The following LRRC8D variants were observed in gnomAD, a reference collection of about 807,000 sequenced individuals.
LRRC8D encodes volume-regulated anion channel subunit LRRC8D.
Under a neutral mutation model 55.8 loss-of-function variants are expected in LRRC8D, and 20 were observed. That is an observed-to-expected ratio of 0.36 (90% CI 0.25 to 0.52). The LOEUF is 0.52. Among genes scored for constraint, LRRC8D ranks in the 20% least tolerant of loss-of-function variants. The pLI is 0.93. For missense variants in LRRC8D, 651 were observed against 1,030.8 expected, an observed-to-expected ratio of 0.63 and a Z score of 5.05; for synonymous variants, 352 against 377.0, an observed-to-expected ratio of 0.93 and a Z score of 0.77.
At chr1:89,925,919 C>T (rs528906877) in intron 2 of LRRC8D, among the ~76,000 whole-genome samples, 38 of 152,354 alleles carry the variant, frequency 2.5e-4, no homozygotes, top group African/African-American at 8.7e-4. Flanking sequence ...GCTTTGGTTT[C>T]CATACTTTGG....
Position 89,935,238 on chromosome 1 carries a change from G to T in LRRC8D, c.2170G>T (p.Ala724Ser), listed in dbSNP as rs1348020461. Residue 724 changes from alanine (A) to serine (S), a missense_variant, in exon 3 of 3, where the codon GCA (alanine) becomes TCA (serine). Ala to Ser is a moderately conservative substitution (Grantham distance 99). Coordinates refer to ENST00000337338, the MANE Select transcript of LRRC8D (RefSeq NM_001134479.2). ...SNNKLESLPV[A>S]VFSLQKLRCL... is the part of the protein sequence containing the mutation. The stretch of plus-strand genomic sequence containing the variant: ...CAACAAGCTCGAATCCTTACCAGTG[G>T]CAGTATTTAGTTTACAGAAACTCAG... 8.1e-6 allele frequency: 13 copies of T among 1,613,928 alleles called. No homozygotes were observed. The highest frequency in any genetic ancestry group is 4.0e-5 in the African/African-American group (3 of 74,924).
At chr1:89,843,918 G>A in intron 2 of LRRC8D, 136 bp downstream of exon 2, 1 of 502,680 alleles carries the variant, frequency 2.0e-6, no homozygotes, top group Non-Finnish European at 3.6e-6. Context: ...CTTCTCACCC[G>A]GGGTCTCTGC....
intron 2 of LRRC8D, among the ~76,000 whole-genome samples, chr1:89,894,447 C>T (rs1407850581): frequency 6.6e-6 from 1 of 152,144 alleles, no homozygotes; most frequent in Non-Finnish European, 1.5e-5. Flanking sequence ...AATGTGATTC[C>T]TGTTTATCTC....
intron 2 of LRRC8D, among the ~76,000 whole-genome samples, chr1:89,912,328 A>G (rs1378656885): frequency 6.6e-6 from 1 of 152,176 alleles, no homozygotes; most frequent in African/African-American, 2.4e-5. Context: ...CTTTGTAATT[A>G]GGATCTTACA....
At position 89,934,035 on chromosome 1, in the gene LRRC8D, C is replaced by G. The variant is rs1557491169; in HGVS notation, c.967C>G (p.Leu323Val). Residue 323 changes from leucine (L) to valine (V), a missense_variant, in exon 3 of 3, where the codon CTC becomes GTC. Physicochemically the swap from Leu to Val is conservative, Grantham distance 32 (BLOSUM62 1). Transcript: ENST00000337338. This position sits in a 1 kb window ranked among gnomAD's most constrained non-coding sequence, Gnocchi z 5.9. ...VIKTAKFIFI[L>V]CYTANFVNAI... ...CAAAACAGCCAAGTTCATTTTTATTCTCTGCTATACAGCGAACTTTGTCAA... is the reference window on the plus strand; with the variant it reads ...CAAAACAGCCAAGTTCATTTTTATTGTCTGCTATACAGCGAACTTTGTCAA... The G allele has an allele frequency of 6.2e-7, 1 of 1,614,198 alleles. No individual in the cohort carries two copies. The highest frequency in any genetic ancestry group is 8.5e-7 in the Non-Finnish European group (1 of 1,180,036).
chr1:89,854,722 A>C (rs933406652), intron 2 of LRRC8D, among the ~76,000 whole-genome samples: 4 of 152,232 alleles, frequency 2.6e-5, no homozygotes, highest in African/African-American at 9.6e-5. Flanking sequence ...CTAGACTCCC[A>C]TCACTTATCA....
chr1:89,930,791 GC>G (rs1442413005), intron 2 of LRRC8D, among the ~76,000 whole-genome samples: 2 of 150,966 alleles, frequency 1.3e-5, no homozygotes, highest in Non-Finnish European at 2.9e-5. Context: ...GAACTGAAGA[GC>G]TCAAAATGAC....
chr1:89,892,899 A>C (rs1037626647), intron 2 of LRRC8D, among the ~76,000 whole-genome samples: 73 of 152,366 alleles, frequency 4.8e-4, no homozygotes, highest in Non-Finnish European at 1.6e-4. Context: ...AGTAAAATTC[A>C]ATCAGACAAA....
chr1:89,827,407 A>G (rs1660790742), intron 1 of LRRC8D, among the ~76,000 whole-genome samples: 2 of 151,970 alleles, frequency 1.3e-5, no homozygotes, highest in Non-Finnish European at 2.9e-5. Context: ...TTGAGTTTTC[A>G]CTGTGTTTTT....
intron 2 of LRRC8D, among the ~76,000 whole-genome samples, chr1:89,907,186 T>TTC: frequency 7.7e-6 from 1 of 130,666 alleles, no homozygotes; most frequent in Non-Finnish European, 1.7e-5. Flanking sequence ...ACTGTGTCTT[T>TTC]TTTTTTTTTT....
intron 1 of LRRC8D, among the ~76,000 whole-genome samples, chr1:89,821,572 G>A (rs912935820): frequency 6.6e-6 from 1 of 152,190 alleles, no homozygotes; most frequent in African/African-American, 2.4e-5. Flanking sequence ...TGCGGGAGGG[G>A]AGTGCGGCTT....
intron 2 of LRRC8D, among the ~76,000 whole-genome samples, chr1:89,848,439 G>A (rs376409305): frequency 2.6e-5 from 4 of 152,262 alleles, no homozygotes; most frequent in East Asian, 1.9e-4. Context: ...AAAAACTGAT[G>A]TGTGGGTTCA....
At chr1:89,916,659 C>T (rs1380048534) in intron 2 of LRRC8D, among the ~76,000 whole-genome samples, 1 of 152,078 alleles carries the variant, frequency 6.6e-6, no homozygotes, top group East Asian at 1.9e-4. Context: ...TGTGTCTCCT[C>T]ATCTTTTGAT....
Position 89,836,922 on chromosome 1 carries a change from C to T in LRRC8D, c.-147-6716C>T, listed in dbSNP as rs192080852. On this transcript the variant is annotated intron_variant, in intron 1 of 2. Transcript: ENST00000337338. Reference sequence around the variant, plus strand: ...GTAATTTCCAAGTTACTTTTGAATACGGATTGAATTCCGTTCCTTGTGGCT... The same window carrying T: ...GTAATTTCCAAGTTACTTTTGAATATGGATTGAATTCCGTTCCTTGTGGCT... Among the ~76,000 whole-genome samples the T allele has an allele frequency of 1.1e-4, 17 of 152,318 alleles. No homozygotes were observed. The East Asian group carries it at 3.3e-3, about 29-fold the overall frequency.
chr1:89,927,256 C>T (rs989050167), intron 2 of LRRC8D, among the ~76,000 whole-genome samples: 2 of 152,268 alleles, frequency 1.3e-5, no homozygotes, highest in South Asian at 2.1e-4. Context: ...TGTCACAGCA[C>T]ATTCCTAGGA....
intron 2 of LRRC8D, among the ~76,000 whole-genome samples, chr1:89,861,957 G>A (rs902051352): frequency 3.3e-5 from 5 of 152,180 alleles, no homozygotes; most frequent in Non-Finnish European, 5.9e-5. Context: ...ACATAACTTT[G>A]GGGAATAGCT....
intron 2 of LRRC8D, among the ~76,000 whole-genome samples, chr1:89,869,239 T>C (rs1661934295): frequency 6.6e-6 from 1 of 152,130 alleles, no homozygotes; most frequent in South Asian, 2.1e-4. Context: ...GATTTTGTGA[T>C]TGCTACCTTG....
At chr1:89,863,784 T>G (rs2100802488) in intron 2 of LRRC8D, among the ~76,000 whole-genome samples, 1 of 152,330 alleles carries the variant, frequency 6.6e-6, no homozygotes, top group Non-Finnish European at 1.5e-5. Flanking sequence ...CCCTTTGAGA[T>G]TTTAAAATTG....
chr1:89,837,932 T>C (rs565492889), intron 1 of LRRC8D, among the ~76,000 whole-genome samples: 1 of 152,344 alleles, frequency 6.6e-6, no homozygotes, highest in South Asian at 2.1e-4. Context: ...AGATATGATG[T>C]GTGTGACTTA....
Sources: allele counts gnomAD v4.1 joint callset (sites outside exome capture counted in the v4.1 genomes callset), GRCh38; gene constraint gnomAD v4.1.1; non-coding constraint Gnocchi (gnomAD v3.1); transcripts MANE v1.5; gene names NCBI Gene and HGNC (gene_info 2026-07-23, HGNC 2026-07-21).